Variants in FREM3 observed in about 807,000 individuals in gnomAD.
FREM3 encodes FRAS1-related extracellular matrix protein 3.
In FREM3, 105 loss-of-function variants were observed where a neutral mutation model predicts 129.1. That is an observed-to-expected ratio of 0.81 (90% CI 0.69 to 0.96). FREM3 has a LOEUF of 0.96. FREM3 is among the 40% of genes least tolerant of loss of function. The pLI is 0.00. For synonymous variants in FREM3, 1,014 were observed against 1,044.9 expected, an observed-to-expected ratio of 0.97 and a Z score of 0.57; for missense variants, 2,593 against 2,666.3, an observed-to-expected ratio of 0.97 and a Z score of 0.61.
intron 5 of FREM3, 88 bp downstream of exon 5, chr4:143,620,949 T>A (rs1738935100): frequency 7.6e-7 from 1 of 1,316,268 alleles, no homozygotes; most frequent in Non-Finnish European, 1.0e-6. Context: ...AACTCTGCTT[T>A]GCTCACCCTC....
At chr4:143,676,386 G>T (rs113543113) in intron 2 of FREM3, among the ~76,000 whole-genome samples, 3,121 of 152,250 alleles carry the variant, frequency 0.02, 137 homozygotes, top group African/African-American at 0.072. Flanking sequence ...TTGTTAGGAC[G>T]TATCTCAAAA....
At chr4:143,690,791 C>G (rs1314195773) in intron 2 of FREM3, among the ~76,000 whole-genome samples, 2 of 152,150 alleles carry the variant, frequency 1.3e-5, no homozygotes, top group Non-Finnish European at 2.9e-5. Flanking sequence ...ATCAGCTGTT[C>G]CAGGAATGCC....
At chr4:143,603,114 A>C (rs1738601710) in intron 6 of FREM3, among the ~76,000 whole-genome samples, 1 of 152,096 alleles carries the variant, frequency 6.6e-6, no homozygotes, top group Non-Finnish European at 1.5e-5. Flanking sequence ...TGTAATTTAT[A>C]ATTTGTCATT....
chr4:143,592,190 A>G (rs1312496041), intron 6 of FREM3, among the ~76,000 whole-genome samples: 1 of 152,084 alleles, frequency 6.6e-6, no homozygotes, highest in African/African-American at 2.4e-5. Flanking sequence ...TTGACGCTTT[A>G]TCTAATTTGC....
chr4:143,676,445 G>T (rs1228128266), intron 2 of FREM3, among the ~76,000 whole-genome samples: 1 of 152,144 alleles, frequency 6.6e-6, no homozygotes. Flanking sequence ...ATACTGAATG[G>T]GCAAAAACTG....
At chr4:143,639,563 A>G (rs143627381) in intron 2 of FREM3, among the ~76,000 whole-genome samples, 4 of 152,268 alleles carry the variant, frequency 2.6e-5, no homozygotes, top group African/African-American at 9.6e-5. Flanking sequence ...AAAACAGATT[A>G]ACTTATTATG....
At chr4:143,694,498 A>G (rs774930478) in intron 1 of FREM3, among the ~76,000 whole-genome samples, 3 of 152,224 alleles carry the variant, frequency 2.0e-5, no homozygotes, top group Non-Finnish European at 2.9e-5. Context: ...GGTAATTATT[A>G]GTATTTTAAA....
intron 2 of FREM3, among the ~76,000 whole-genome samples, chr4:143,659,215 G>T (rs1347735486): frequency 1.3e-5 from 2 of 151,616 alleles, no homozygotes; most frequent in Non-Finnish European, 2.9e-5. Flanking sequence ...TTAGCATTAG[G>T]TATATCTCCT....
In FREM3 at chr4:143,595,889, G is replaced by GGAAAAAAA. The variant is rs750809003; in HGVS notation, c.6029-9897_6029-9896insTTTTTTTC. Among the ~76,000 whole-genome samples, 150 of 110,632 alleles carry GGAAAAAAA rather than the reference G, an allele frequency of 1.4e-3. 22 individuals carry two copies. The highest frequency in any genetic ancestry group is 0.011 in the Middle Eastern group (2 of 184). The allele number at this position is 110,632 out of a possible 152,430, so 72.6% of individuals were successfully genotyped here. A position where few individuals can be genotyped will look rare whatever the true frequency, so the allele number is the denominator to read the frequency against. On this transcript the variant is annotated intron_variant, in intron 6 of 7. Transcript: ENST00000329798. ...GGCGACAGAGCGAGACGCCATCTCA[G>GGAAAAAAA]AAAAAAAAAAAAAAAGAAGGAACTG...
chr4:143,594,518 C>CT lies in FREM3; in HGVS notation c.6029-8526dup, dbSNP rs555651695. Among the ~76,000 whole-genome samples the CT allele has an allele frequency of 9.2e-5, 14 of 152,254 alleles. No homozygotes were observed. The East Asian group carries it at 2.7e-3, about 29-fold the overall frequency. ...TTGTCAAATGGACATTTTTAACTCT[C>CT]TTCTGATGTATTTTGAACTTATTAC... On this transcript the variant is annotated intron_variant, in intron 6 of 7. Transcript: ENST00000329798.
intron 2 of FREM3, among the ~76,000 whole-genome samples, chr4:143,642,351 C>T (rs756742910): frequency 5.7e-4 from 86 of 152,156 alleles, no homozygotes; most frequent in Middle Eastern, 3.4e-3. Context: ...GCTTAAATAA[C>T]AAATTTGGAG....
intron 2 of FREM3, among the ~76,000 whole-genome samples, chr4:143,668,176 T>C (rs1739898577): frequency 1.3e-5 from 2 of 152,194 alleles, no homozygotes; most frequent in Non-Finnish European, 2.9e-5. Flanking sequence ...ACTACAGGGC[T>C]GGAAAGTGAC....
chr4:143,590,450 A>G (rs1414136245), intron 6 of FREM3, among the ~76,000 whole-genome samples: 2 of 152,086 alleles, frequency 1.3e-5, no homozygotes, highest in East Asian at 1.9e-4. Context: ...AGCATGAAGC[A>G]TTGTTGAATT....
intron 2 of FREM3, among the ~76,000 whole-genome samples, chr4:143,674,176 G>T (rs1740060055): frequency 6.6e-6 from 1 of 152,290 alleles, no homozygotes; most frequent in Non-Finnish European, 1.5e-5. Context: ...CCCATCTTCT[G>T]CAGAAATCAC....
chr4:143,583,921 TAAC>T (rs942801509), intron 7 of FREM3, among the ~76,000 whole-genome samples: 1 of 152,182 alleles, frequency 6.6e-6, no homozygotes, highest in Non-Finnish European at 1.5e-5. Context: ...AATAAACCGC[TAAC>T]AACAAGATGA....
In FREM3 at chr4:143,697,432, C is replaced by T. The variant is rs1740595410; in HGVS notation, c.3244G>A (p.Glu1082Lys). Residue 1082 changes from glutamate (E) to lysine (K), a missense_variant, in exon 1 of 8, where the codon GAA becomes AAA. Physicochemically the swap from Glu to Lys is moderately conservative, Grantham distance 56. This residue lies in a region of FREM3 where 2,276 missense variants were observed against 2,267.2 expected (regional missense o/e 1.00). Coordinates refer to ENST00000329798, the MANE Select transcript of FREM3 (RefSeq NM_001168235.2). The stretch of plus-strand genomic sequence containing the variant: ...AAGGTCAAGGAGTTCTTCTCACCTT[C>T]ATAGACAATGAAGGACTCCCCGACG... ...VFVGESFIVY[E>K]GEKNSLTLQH... 1.3e-6 allele frequency: 2 copies of T among 1,537,120 alleles called. No homozygotes were observed. The highest frequency in any genetic ancestry group is 1.7e-6 in the Non-Finnish European group (2 of 1,146,906).
At chr4:143,580,844 C>G (rs1738130330) in intron 7 of FREM3, among the ~76,000 whole-genome samples, 1 of 152,238 alleles carries the variant, frequency 6.6e-6, no homozygotes, top group Non-Finnish European at 1.5e-5. Context: ...TAACCCCCAG[C>G]ACAGCACAGC....
Position 143,577,496 on chromosome 4 carries a change from C to G in FREM3, c.*115G>C. 1 of 957,672 alleles carries G rather than the reference C, an allele frequency of 1.0e-6. No homozygotes were observed. The highest frequency in any genetic ancestry group is 1.5e-6 in the Non-Finnish European group (1 of 659,386). 59.3% of individuals were successfully genotyped at this position (957,672 alleles called of 1,614,324 possible). ...TTCCACATATCACCAGAATATAACA[C>G]CAATGACAGTACAATATCACTGATA... is the stretch of plus-strand genomic sequence containing the variant. On this transcript the variant is annotated 3_prime_UTR_variant, in exon 8 of 8. Transcript: ENST00000329798.
intron 6 of FREM3, among the ~76,000 whole-genome samples, chr4:143,599,716 G>A (rs1355799806): frequency 6.6e-6 from 1 of 152,062 alleles, no homozygotes; most frequent in African/African-American, 2.4e-5. Context: ...ACAAAAGAAT[G>A]GGGAAATCCA....
Sources: allele counts gnomAD v4.1 joint callset (sites outside exome capture counted in the v4.1 genomes callset), GRCh38; gene constraint gnomAD v4.1.1; regional missense constraint gnomAD v4.1.1; transcripts MANE v1.5; gene names NCBI Gene and HGNC (gene_info 2026-07-23, HGNC 2026-07-21).